Variants in XKR4 observed in about 807,000 individuals in gnomAD.
The protein encoded by XKR4 is XK related 4, also known as XK-related protein 4.
In XKR4, 12 loss-of-function variants were observed where a neutral mutation model predicts 53.9. That is an observed-to-expected ratio of 0.22 (90% CI 0.14 to 0.36). XKR4 has a LOEUF of 0.36. XKR4 is among the 10% of genes least tolerant of loss of function. The pLI, the probability that XKR4 is intolerant of heterozygous loss-of-function variation, is 1.00. For synonymous variants in XKR4, 354 were observed against 362.4 expected (o/e 0.98, Z 0.26); for missense variants, 799 against 859.5 (o/e 0.93, Z 0.88).
intron 1 of XKR4, among the ~76,000 whole-genome samples, chr8:55,317,934 A>G (rs1803126656): frequency 6.6e-6 from 1 of 152,212 alleles, no homozygotes; most frequent in Non-Finnish European, 1.5e-5. Flanking sequence ...AAATAAAAAT[A>G]AAAACCACTA....
chr8:55,390,543 C>T (rs143228523), intron 2 of XKR4, among the ~76,000 whole-genome samples: 3 of 152,200 alleles, frequency 2.0e-5, no homozygotes, highest in Non-Finnish European at 4.4e-5. Flanking sequence ...TAGTAACTTT[C>T]TCCCTCCATT....
intron 2 of XKR4, among the ~76,000 whole-genome samples, chr8:55,484,331 C>T (rs1806161042): frequency 6.6e-6 from 1 of 152,134 alleles, no homozygotes; most frequent in South Asian, 2.1e-4. Flanking sequence ...TTTTATGAAA[C>T]TCATATTACC....
At chr8:55,343,375 T>A (rs1029641023) in intron 1 of XKR4, among the ~76,000 whole-genome samples, 3 of 152,180 alleles carry the variant, frequency 2.0e-5, no homozygotes, top group African/African-American at 7.2e-5. Context: ...ACGGAAGCCA[T>A]TTCCAGAAAC....
intron 2 of XKR4, among the ~76,000 whole-genome samples, chr8:55,368,915 C>T (rs1715454539): frequency 6.6e-6 from 1 of 152,176 alleles, no homozygotes; most frequent in African/African-American, 2.4e-5. Context: ...TATAAGTTCC[C>T]CTCCTTCAAA....
At chr8:55,331,654 TA>T (rs764302462) in intron 1 of XKR4, among the ~76,000 whole-genome samples, 1 of 152,198 alleles carries the variant, frequency 6.6e-6, no homozygotes, top group Non-Finnish European at 1.5e-5. Flanking sequence ...TTGTAATTGT[TA>T]AATCTGTTTG....
At position 55,539,943 on chromosome 8, in the gene XKR4, G is replaced by A. The variant is rs968234750; in HGVS notation, c.*15716G>A. ...CAAAGATACAAAACAGAATTGAAGTGTGTTAGAGCTGGACAACCCTTTGAA... is the reference window on the plus strand; with the variant it reads ...CAAAGATACAAAACAGAATTGAAGTATGTTAGAGCTGGACAACCCTTTGAA... On this transcript the variant is annotated 3_prime_UTR_variant, in exon 3 of 3. Coordinates refer to ENST00000327381, the MANE Select transcript of XKR4 (RefSeq NM_052898.2). 1 of 152,260 alleles carries A rather than the reference G, an allele frequency of 6.6e-6. No homozygotes were observed. Among genetic ancestry groups the A allele is most frequent in the Admixed American group, 6.5e-5 (1 of 15,294 alleles). The allele number at this position is 152,260 out of a possible 1,614,324, so 9.4% of individuals were successfully genotyped here.
intron 1 of XKR4, among the ~76,000 whole-genome samples, chr8:55,189,948 T>G (rs1362612015): frequency 6.6e-6 from 1 of 152,240 alleles, no homozygotes; most frequent in Non-Finnish European, 1.5e-5. Context: ...CTTAAAGAAC[T>G]TTGGTTCTGT....
chr8:55,140,665 A>C (rs118189863), intron 1 of XKR4, among the ~76,000 whole-genome samples: 19 of 152,326 alleles, frequency 1.2e-4, no homozygotes, highest in Non-Finnish European at 2.6e-4. Context: ...CTGGTGTATC[A>C]GATGTCTGGA....
chr8:55,412,650 C>G (rs766682684), intron 2 of XKR4, among the ~76,000 whole-genome samples: 1 of 152,172 alleles, frequency 6.6e-6, no homozygotes, highest in East Asian at 1.9e-4. Flanking sequence ...ACAATGGAAA[C>G]AAAAAGTCCT....
At chr8:55,505,666 A>G (rs886620950) in intron 2 of XKR4, among the ~76,000 whole-genome samples, 3 of 152,240 alleles carry the variant, frequency 2.0e-5, no homozygotes, top group Non-Finnish European at 4.4e-5. Context: ...TCTCATTGTG[A>G]TCCGAAAAGA....
At chr8:55,452,448 C>A (rs564117810) in intron 2 of XKR4, 1 of 627,992 alleles carries the variant, frequency 1.6e-6, no homozygotes, top group Middle Eastern at 2.6e-4. Context: ...ACTGCCCGCC[C>A]TCGCACCCTC....
Position 55,535,598 on chromosome 8 carries a change from G to GT in XKR4, c.*11372dup, listed in dbSNP as rs1480906264. The GT allele has an allele frequency of 7.9e-5, 12 of 152,192 alleles. No homozygotes were observed. Among genetic ancestry groups the GT allele is most frequent in the African/African-American group, 2.7e-4 (11 of 41,434 alleles). 9.4% of individuals were successfully genotyped at this position (152,192 alleles called of 1,614,324 possible). A position where few individuals can be genotyped will look rare whatever the true frequency, so the allele number is the denominator to read the frequency against. Reference sequence around the variant, plus strand: ...TAGTCCTCTTAAGCAAGGTTCATGGGTAAGAGTTACTCTAGCAGGATTGGG... The same window carrying GT: ...TAGTCCTCTTAAGCAAGGTTCATGGGTTAAGAGTTACTCTAGCAGGATTGGG... On this transcript the variant is annotated 3_prime_UTR_variant, in exon 3 of 3. Transcript: ENST00000327381.
At chr8:55,155,832 A>G (rs12156412) in intron 1 of XKR4, among the ~76,000 whole-genome samples, 12,104 of 152,300 alleles carry the variant, frequency 0.079, 656 homozygotes, top group Non-Finnish European at 0.12. Context: ...TCAACAGCAG[A>G]TAACAGGAAA....
At chr8:55,375,458 G>A (rs1804132465) in intron 2 of XKR4, among the ~76,000 whole-genome samples, 1 of 152,140 alleles carries the variant, frequency 6.6e-6, no homozygotes, top group Non-Finnish European at 1.5e-5. Context: ...ACCTTGAGGT[G>A]AAATGTTACC....
intron 2 of XKR4, among the ~76,000 whole-genome samples, chr8:55,455,836 T>C (rs144093053): frequency 1.3e-3 from 198 of 152,200 alleles, no homozygotes; most frequent in African/African-American, 4.4e-3. Context: ...CATCAGGAGG[T>C]AGGAGCTTTA....
chr8:55,467,115 G>A (rs983447642), intron 2 of XKR4, among the ~76,000 whole-genome samples: 2 of 152,084 alleles, frequency 1.3e-5, no homozygotes, highest in African/African-American at 4.8e-5. Flanking sequence ...AGCTCCCTGT[G>A]GCTGGCAGAA....
chr8:55,291,685 G>A (rs1203933472), intron 1 of XKR4, among the ~76,000 whole-genome samples: 2 of 152,202 alleles, frequency 1.3e-5, no homozygotes, highest in East Asian at 1.9e-4. Flanking sequence ...ATACAACTGA[G>A]TTTTTTATGT....
At chr8:55,472,640 G>A (rs528839235) in intron 2 of XKR4, among the ~76,000 whole-genome samples, 2 of 152,192 alleles carry the variant, frequency 1.3e-5, no homozygotes, top group Non-Finnish European at 2.9e-5. Flanking sequence ...GGAGCACTTC[G>A]TAGACAAGGT....
At chr8:55,124,367 G>A (rs1816433171) in intron 1 of XKR4, among the ~76,000 whole-genome samples, 1 of 152,300 alleles carries the variant, frequency 6.6e-6, no homozygotes, top group East Asian at 1.9e-4. Flanking sequence ...AAACAGCATT[G>A]TTCCCTGAAG....
Sources: gnomAD v4.1 joint callset for allele counts (sites outside exome capture counted in the v4.1 genomes callset) on GRCh38, gnomAD v4.1.1 for gene constraint, MANE v1.5 for transcripts, NCBI Gene and HGNC (gene_info 2026-07-23, HGNC 2026-07-21) for gene names.